Variants in PHRF1 observed in about 807,000 individuals in gnomAD.
PHRF1 encodes the protein PHD and ring finger domains 1.
Under a neutral mutation model 128.9 loss-of-function variants are expected in PHRF1, and 53 were observed. That is an observed-to-expected ratio of 0.41 (90% confidence interval 0.33 to 0.52). The LOEUF is 0.52. Ranked by LOEUF, PHRF1 falls within the 20% of genes least tolerant of loss-of-function variation. PHRF1 has a pLI of 0.21. For synonymous variants in PHRF1, 1,178 were observed against 980.6 expected, an observed-to-expected ratio of 1.20 and a Z score of -3.76; for missense variants, 2,503 against 2,284.5, an observed-to-expected ratio of 1.10 and a Z score of -1.95.
rs368778978 is a variant in PHRF1 at position 604,975 on chromosome 11, C to T, written c.1153-144C>T. The T allele has an allele frequency of 1.5e-5, 12 of 799,944 alleles. No individual in the cohort carries two copies. In the African/African-American group the frequency reaches 2.1e-4, roughly 14 times the overall value. 49.6% of individuals were successfully genotyped at this position (799,944 alleles called of 1,614,324 possible). ...TGTTCCTGCTTGTCGGTCATCATGC[C>T]TGAGAAGCCCATTGACTTTGGCTTA... On this transcript the variant is annotated intron_variant, in intron 10 of 17. Transcript: ENST00000264555.
chr11:611,577 C>G (rs1021867020), intron 17 of PHRF1, 57 bp from the exon 18 acceptor site: 45 of 1,608,832 alleles, frequency 2.8e-5, no homozygotes, highest in Non-Finnish European at 2.8e-5. Flanking sequence ...GCCCTGGGCT[C>G]TGGCCCGGAA....
intron 6 of PHRF1, 66 bp downstream of exon 6, chr11:592,740 A>T: frequency 2.3e-5 from 35 of 1,520,602 alleles, no homozygotes; most frequent in Admixed American, 3.3e-5. Flanking sequence ...CGCAGGAGGG[A>T]TGCAGAGCCT....
chr11:605,046 G>A (rs1855860845), intron 10 of PHRF1, 73 bp from the exon 11 acceptor site: 8 of 1,431,710 alleles, frequency 5.6e-6, no homozygotes, highest in Middle Eastern at 1.8e-4. Flanking sequence ...AAGGCTTCAC[G>A]TGGCATTTAC....
intron 8 of PHRF1, 22 bp from the exon 9 acceptor site, chr11:598,351 G>C (rs754750889): frequency 1.2e-6 from 2 of 1,602,276 alleles, no homozygotes; most frequent in African/African-American, 1.3e-5. Flanking sequence ...GGCATCTGAC[G>C]GCACCACCCC....
At chr11:594,164 G>C (rs570088992) in intron 6 of PHRF1, among the ~76,000 whole-genome samples, 1 of 152,232 alleles carries the variant, frequency 6.6e-6, no homozygotes, top group African/African-American at 2.4e-5. Flanking sequence ...GTGTAGGACT[G>C]GTCCTCTTTT....
At chr11:585,203 T>TA (rs749615403) in intron 3 of PHRF1, among the ~76,000 whole-genome samples, 13 of 152,152 alleles carry the variant, frequency 8.5e-5, no homozygotes, top group Non-Finnish European at 1.6e-4. Flanking sequence ...AATCACTTGT[T>TA]ACACTGCCCT....
chr11:607,538 G>T lies in PHRF1; in HGVS notation c.2082G>T (p.Arg694=), dbSNP rs1168662172. 6.2e-7 allele frequency: 1 copy of T among 1,612,672 alleles called. No homozygotes were observed. Among genetic ancestry groups the T allele is most frequent in the Admixed American group, 1.7e-5 (1 of 60,026 alleles). Residue 694 remains arginine (R), a synonymous_variant, in exon 14 of 18, where the codon CGG becomes CGT. Coordinates refer to ENST00000264555, the MANE Select transcript of PHRF1 (RefSeq NM_001286581.2). Reference sequence around the variant, plus strand: ...GGAGAGATGACGGTGGTGGCAGACGGGATGCGGCCCCGGCCCACGGGCAGA... The same window carrying T: ...GGAGAGATGACGGTGGTGGCAGACGTGATGCGGCCCCGGCCCACGGGCAGA... ...KIRRDDGGGR[R]DAAPAHGQSI...
intron 1 of PHRF1, among the ~76,000 whole-genome samples, chr11:578,300 A>T (rs531977815): frequency 6.6e-6 from 1 of 152,314 alleles, no homozygotes; most frequent in East Asian, 1.9e-4. Context: ...ATATCGAGGA[A>T]GGATGTTGTT....
At chr11:601,810 T>G in intron 10 of PHRF1, 109 bp downstream of exon 10, 72 of 1,371,458 alleles carry the variant, frequency 5.2e-5, no homozygotes, top group Non-Finnish European at 6.8e-5. Context: ...CGCGCGGTTA[T>G]GGAGCAGGGA....
chr11:600,658 C>CT lies in PHRF1; in HGVS notation c.1025-915dup, dbSNP rs1453235219. ...CCAGCCTGGCCAACTTAACAAAACT[C>CT]TGTCTCTATTAAAAATACAAAAATT... is the stretch of plus-strand genomic sequence containing the variant. On this transcript the variant is annotated intron_variant, in intron 9 of 17. Coordinates refer to ENST00000264555, the MANE Select transcript of PHRF1 (RefSeq NM_001286581.2). 4.6e-5 allele frequency among the ~76,000 whole-genome samples: 7 copies of CT among 151,318 alleles called. No individual in the cohort carries two copies. In the East Asian group the frequency reaches 1.4e-3, roughly 30 times the overall value.
At chr11:590,072 T>C (rs59144823) in intron 4 of PHRF1, among the ~76,000 whole-genome samples, 27,399 of 134,662 alleles carry the variant, frequency 0.2, 4,623 homozygotes, top group African/African-American at 0.43. Context: ...CAAACGGGCA[T>C]GGAGCGTGCG....
chr11:591,559 T>C, intron 5 of PHRF1, 92 bp downstream of exon 5: 1 of 1,060,498 alleles, frequency 9.4e-7, no homozygotes, highest in Non-Finnish European at 1.3e-6. Flanking sequence ...CTTGCTCTCC[T>C]GAAATGAGGG....
chr11:592,285 A>C (rs1215456257), intron 5 of PHRF1, among the ~76,000 whole-genome samples: 1 of 145,268 alleles, frequency 6.9e-6, no homozygotes, highest in Non-Finnish European at 1.5e-5. Flanking sequence ...GCCTCGCCCT[A>C]CTGCGGCCCA....
Position 607,383 on chromosome 11 carries a change from G to A in PHRF1, c.1927G>A (p.Ala643Thr), listed in dbSNP as rs1439662457. 2.5e-6 allele frequency: 4 copies of A among 1,612,790 alleles called. No homozygotes were observed. The highest frequency in any genetic ancestry group is 1.7e-5 in the Admixed American group (1 of 60,030). The change falls in exon 14 of 18, where the codon GCC (alanine) becomes ACC (threonine). Residue 643 changes from alanine (A) to threonine (T), a missense_variant. Physicochemically the swap from Ala to Thr is moderately conservative, Grantham distance 58. Coordinates refer to ENST00000264555, the MANE Select transcript of PHRF1 (RefSeq NM_001286581.2). ...NGTNKHTLPL[A>T]SAASKISSRD... ...CACCAACAAGCACACCTTGCCCCTT[G>A]CCTCTGCCGCGTCTAAGATCTCAAG... is the stretch of plus-strand genomic sequence containing the variant.
chr11:582,121 C>T (rs1387579701), intron 3 of PHRF1, 40 bp downstream of exon 3: 4 of 1,556,498 alleles, frequency 2.6e-6, no homozygotes, highest in South Asian at 1.2e-5. Flanking sequence ...TGTGTTTCCT[C>T]TTGTCGTGAT....
At position 595,627 on chromosome 11, in the gene PHRF1, G is replaced by A. The variant is rs563640859; in HGVS notation, c.621-1296G>A. On this transcript the variant is annotated intron_variant, in intron 6 of 17. Transcript: ENST00000264555. ...AACTTGCAGCCAATCTCCTCTTCTC[G>A]GGGATGAGTGTGGGGGACACAGGCC... Among the ~76,000 whole-genome samples, 12 of 152,318 alleles carry A rather than the reference G, an allele frequency of 7.9e-5. No individual in the cohort carries two copies. The South Asian group carries it at 1.9e-3, about 24-fold the overall frequency.
intron 14 of PHRF1, 72 bp downstream of exon 14, chr11:609,792 G>C: frequency 9.4e-7 from 1 of 1,069,006 alleles, no homozygotes; most frequent in Non-Finnish European, 1.2e-6. Flanking sequence ...GCCGAGGACA[G>C]AGCCCCCCGT....
At chr11:602,761 G>GTTTTT (rs1374012486) in intron 10 of PHRF1, among the ~76,000 whole-genome samples, 2 of 137,210 alleles carry the variant, frequency 1.5e-5, no homozygotes, top group Non-Finnish European at 3.0e-5. Context: ...TTTTGTTTTT[G>GTTTTT]TTTTTTTTGT....
At chr11:611,515 G>T (rs1856401816) in intron 17 of PHRF1, 119 bp from the exon 18 acceptor site, 1 of 1,420,646 alleles carries the variant, frequency 7.0e-7, no homozygotes, top group Non-Finnish European at 9.6e-7. Context: ...CTGTCTGCGT[G>T]CTGCACCTAG....
Sources: allele counts gnomAD v4.1 joint callset (sites outside exome capture counted in the v4.1 genomes callset), GRCh38; gene constraint gnomAD v4.1.1; transcripts MANE v1.5; gene names NCBI Gene and HGNC (gene_info 2026-07-23, HGNC 2026-07-21).